The following ADAMTS18 variants were observed in gnomAD, a reference collection of about 807,000 sequenced individuals.
ADAMTS18 encodes the protein ADAM metallopeptidase with thrombospondin type 1 motif 18, also known as A disintegrin and metalloproteinase with thrombospondin motifs 18.
A neutral mutation model predicts 165.9 loss-of-function variants in ADAMTS18; 157 were observed. The ratio of observed to expected loss-of-function variants is 0.95; its 90% CI spans 0.83 to 1.08. The LOEUF (loss-of-function observed/expected upper bound fraction) is 1.08, where lower values mean the gene tolerates loss of function less well. Ranked by LOEUF, ADAMTS18 falls within the 50% of genes least tolerant of loss-of-function variation. The pLI, the probability that ADAMTS18 is intolerant of heterozygous loss-of-function variation, is 0.00. For missense variants in ADAMTS18, 2,040 were observed against 1,534.0 expected, an observed-to-expected ratio of 1.33 and a Z score of -5.51; for synonymous variants, 782 against 578.2, an observed-to-expected ratio of 1.35 and a Z score of -5.06.
Position 77,295,016 on chromosome 16 carries a change from C to A in ADAMTS18, c.2913G>T (p.Leu971Phe). The A allele has an allele frequency of 6.2e-7, 1 of 1,614,174 alleles. No individual in the cohort carries two copies. The highest frequency in any genetic ancestry group is 8.5e-7 in the Non-Finnish European group (1 of 1,180,028). Residue 971 changes from leucine (L) to phenylalanine (F), a missense_variant, in exon 19 of 23, where the codon TTG becomes TTT. Coordinates refer to ENST00000282849, the MANE Select transcript of ADAMTS18 (RefSeq NM_199355.4). ...GTGTGCTCACTGGACAGAGAGAATG[C>A]AACACTGCTTCCTCCTTTTGGAAGG... ...KKPFQKEEAV[L>F]HSLCPVSTPT...
rs1213649759 is a variant in ADAMTS18, at chr16:77,297,413, A to C, written c.2677T>G (p.Tyr893Asp). The change falls in exon 18 of 23, where the codon TAC becomes GAC. Residue 893 changes from tyrosine (Y) to aspartate (D), a missense_variant and splice_region_variant. Physicochemically the swap from Tyr to Asp is radical, Grantham distance 160. Coordinates refer to ENST00000282849, the MANE Select transcript of ADAMTS18 (RefSeq NM_199355.4). ...SECSVSCGGG[Y>D]INVKAICLRD... ...AAGCAAATGGCCTTTACATTTATGT[A>C]ACCTGGTAAGACATCAGAAGTGACA... 1 of 1,612,126 alleles carries C rather than the reference A, an allele frequency of 6.2e-7. No individual in the cohort carries two copies. The highest frequency in any genetic ancestry group is 1.7e-5 in the Admixed American group (1 of 60,016).
chr16:77,395,366 T>C (rs2057243187), intron 3 of ADAMTS18, among the ~76,000 whole-genome samples: 1 of 152,132 alleles, frequency 6.6e-6, no homozygotes, highest in Non-Finnish European at 1.5e-5. Context: ...TCTGTGTGGC[T>C]CCATCATGGT....
chr16:77,428,175 T>A (rs1338993420), intron 3 of ADAMTS18, among the ~76,000 whole-genome samples: 1 of 152,150 alleles, frequency 6.6e-6, no homozygotes. Context: ...AAGTTTCATC[T>A]CCCAGTCTCA....
At chr16:77,358,390 C>T (rs1567510206) in intron 8 of ADAMTS18, among the ~76,000 whole-genome samples, 2 of 152,142 alleles carry the variant, frequency 1.3e-5, no homozygotes, top group Non-Finnish European at 2.9e-5. Context: ...GGTGAAACCT[C>T]ATCTGTACTA....
chr16:77,352,248 G>C (rs2056566870), intron 10 of ADAMTS18, among the ~76,000 whole-genome samples: 1 of 151,880 alleles, frequency 6.6e-6, no homozygotes, highest in African/African-American at 2.4e-5. Context: ...AATGTGAATT[G>C]GTTTCTAGAA....
intron 3 of ADAMTS18, among the ~76,000 whole-genome samples, chr16:77,369,924 T>C (rs564639708): frequency 3.9e-5 from 6 of 152,318 alleles, no homozygotes; most frequent in African/African-American, 9.6e-5. Context: ...GTTGCAATAG[T>C]TTAACATACA....
intron 3 of ADAMTS18, among the ~76,000 whole-genome samples, chr16:77,389,094 G>A (rs1336486237): frequency 6.6e-6 from 1 of 152,172 alleles, no homozygotes; most frequent in Non-Finnish European, 1.5e-5. Context: ...CAGCTCAGGA[G>A]TCTGAGAGCA....
At chr16:77,291,978 A>G (rs758915522) in intron 20 of ADAMTS18, among the ~76,000 whole-genome samples, 1 of 152,216 alleles carries the variant, frequency 6.6e-6, no homozygotes, top group Non-Finnish European at 1.5e-5. Flanking sequence ...ACAGGAGGTA[A>G]CATGATGAGG....
At position 77,321,150 on chromosome 16, in the gene ADAMTS18, C is replaced by T. The variant is rs1283856009; in HGVS notation, c.2216G>A (p.Gly739Asp). Residue 739 changes from glycine (G) to aspartate (D), a missense_variant, in exon 15 of 23, where the codon GGC becomes GAC. By Grantham distance (94) the Gly-to-Asp change is moderately conservative (BLOSUM62 -1). Coordinates refer to ENST00000282849, the MANE Select transcript of ADAMTS18 (RefSeq NM_199355.4). ...AGTTGAATTATCACCTTTGCAAACGCCACAAGCATCTGAAACTGCTTTAGA... is the reference window on the plus strand; with the variant it reads ...AGTTGAATTATCACCTTTGCAAACGTCACAAGCATCTGAAACTGCTTTAGA... ...LGSKAVSDAC[G>D]VCKGDNSTCK... The T allele has an allele frequency of 6.2e-7, 1 of 1,614,174 alleles. No homozygotes were observed. Among genetic ancestry groups the T allele is most frequent in the South Asian group, 1.1e-5 (1 of 91,082 alleles).
At position 77,286,892 on chromosome 16, in the gene ADAMTS18, G is replaced by A. The variant is rs553712150; in HGVS notation, c.3550+2372C>T. The stretch of plus-strand genomic sequence containing the variant: ...GAATTTTATGTATAATATGTACAGT[G>A]CAACCATAAGGATGGCTTCCCCAAG... On this transcript the variant is annotated intron_variant, in intron 22 of 22. Coordinates refer to ENST00000282849, the MANE Select transcript of ADAMTS18 (RefSeq NM_199355.4). Among the ~76,000 whole-genome samples, 4 of 152,224 alleles carry A rather than the reference G, an allele frequency of 2.6e-5. No individual in the cohort carries two copies. In the South Asian group the frequency reaches 8.3e-4, roughly 32 times the overall value.
intron 3 of ADAMTS18, among the ~76,000 whole-genome samples, chr16:77,381,583 C>G (rs1301680813): frequency 6.6e-6 from 1 of 152,074 alleles, no homozygotes; most frequent in Non-Finnish European, 1.5e-5. Context: ...GCAGGTGGAT[C>G]ACGAGGTCAG....
In ADAMTS18 at chr16:77,434,905, C is replaced by G. The variant is rs1418228199; in HGVS notation, c.-210G>C. On this transcript the variant is annotated 5_prime_UTR_variant, in exon 1 of 23. Coordinates refer to ENST00000282849, the MANE Select transcript of ADAMTS18 (RefSeq NM_199355.4). ...CTCCCTTCTCCCGGCGCGGGCCTGC[C>G]GAGCTGCAGTTTGCGGCACCCCAGA... 6 of 408,676 alleles carry G rather than the reference C, an allele frequency of 1.5e-5. No homozygotes were observed. The East Asian group carries it at 2.1e-4, about 14-fold the overall frequency. The allele number at this position is 408,676 out of a possible 1,614,324, so 25.3% of individuals were successfully genotyped here.
chr16:77,334,414 A>G (rs188196490), intron 12 of ADAMTS18, among the ~76,000 whole-genome samples: 7,706 of 107,680 alleles, frequency 0.072, 86 homozygotes, highest in East Asian at 0.2. Flanking sequence ...TATAGTATAT[A>G]TTATATAGTA....
At chr16:77,395,385 T>C (rs1044282668) in intron 3 of ADAMTS18, among the ~76,000 whole-genome samples, 16 of 152,126 alleles carry the variant, frequency 1.1e-4, no homozygotes, top group African/African-American at 3.6e-4. Context: ...GTAGCCTCAT[T>C]GGTTCCCCAA....
chr16:77,397,282 T>C (rs184995362), intron 3 of ADAMTS18, among the ~76,000 whole-genome samples: 40 of 152,328 alleles, frequency 2.6e-4, no homozygotes, highest in African/African-American at 9.4e-4. Flanking sequence ...AAATACACTG[T>C]ATACAAAAGA....
chr16:77,298,296 T>C (rs2055514657), intron 17 of ADAMTS18, among the ~76,000 whole-genome samples: 1 of 152,180 alleles, frequency 6.6e-6, no homozygotes, highest in Non-Finnish European at 1.5e-5. Context: ...GGCATATATT[T>C]TTTTAAAAAT....
At chr16:77,331,754 C>A (rs2056192930) in intron 12 of ADAMTS18, among the ~76,000 whole-genome samples, 1 of 152,110 alleles carries the variant, frequency 6.6e-6, no homozygotes, top group South Asian at 2.1e-4. Context: ...CAGGACAAAT[C>A]TCCAAAACAA....
chr16:77,337,319 A>C (rs1403948935), intron 11 of ADAMTS18, among the ~76,000 whole-genome samples: 3 of 152,226 alleles, frequency 2.0e-5, no homozygotes, highest in African/African-American at 7.2e-5. Flanking sequence ...ACAATAGCCA[A>C]TAACAGTAAC....
At chr16:77,344,472 A>G (rs1351652912) in intron 10 of ADAMTS18, among the ~76,000 whole-genome samples, 2 of 152,124 alleles carry the variant, frequency 1.3e-5, no homozygotes, top group African/African-American at 2.4e-5. Flanking sequence ...AAATCAATCA[A>G]TGTGGGTAAG....
Sources: allele counts gnomAD v4.1 joint callset (sites outside exome capture counted in the v4.1 genomes callset), GRCh38; gene constraint gnomAD v4.1.1; transcripts MANE v1.5; gene names NCBI Gene and HGNC (gene_info 2026-07-23, HGNC 2026-07-21).